The following ORAI3 variants were observed in gnomAD, a reference collection of about 807,000 sequenced individuals.
ORAI3 encodes ORAI calcium release-activated calcium modulator 3.
A neutral mutation model predicts 17.2 loss-of-function variants in ORAI3; 15 were observed. The ratio of observed to expected loss-of-function variants is 0.87; its 90% confidence interval spans 0.58 to 1.34. The LOEUF (loss-of-function observed/expected upper bound fraction) is 1.34. Among genes scored for constraint, ORAI3 ranks in the 40% most tolerant of loss-of-function variants. The pLI is 0.00. For missense variants in ORAI3, 405 were observed against 396.7 expected (o/e 1.02, Z -0.18); for synonymous variants, 178 against 172.4 (o/e 1.03, Z -0.25).
chr16:30,950,372 G>A (rs529508476), intron 1 of ORAI3, among the ~76,000 whole-genome samples: 2 of 152,314 alleles, frequency 1.3e-5, no homozygotes, highest in South Asian at 4.1e-4. Flanking sequence ...TACCAAGGAT[G>A]GCTCAGACTA....
At chr16:30,951,729 A>AC (rs775816745) in intron 1 of ORAI3, among the ~76,000 whole-genome samples, 1 of 151,528 alleles carries the variant, frequency 6.6e-6, no homozygotes, top group East Asian at 1.9e-4. Flanking sequence ...AAAAAGAGAG[A>AC]CCCCATGACC....
intron 1 of ORAI3, among the ~76,000 whole-genome samples, chr16:30,951,547 G>A (rs746286370): frequency 5.3e-5 from 8 of 152,182 alleles, no homozygotes; most frequent in Non-Finnish European, 1.0e-4. Context: ...CAAATTGGCT[G>A]GGTAGGGACT....
At chr16:30,949,812 A>C (rs1400728866) in intron 1 of ORAI3, 1 of 381,568 alleles carries the variant, frequency 2.6e-6, no homozygotes, top group South Asian at 3.0e-5. Context: ...AGAGTGGTCC[A>C]GATGGAGCCT....
rs1221126292 is a variant in ORAI3, at chr16:30,949,217, T to TGGGCC, written c.-70_-66dup. 1 of 1,102,882 alleles carries TGGGCC rather than the reference T, an allele frequency of 9.1e-7. No individual in the cohort carries two copies. The highest frequency in any genetic ancestry group is 1.2e-6 in the Non-Finnish European group (1 of 832,224). The allele number at this position is 1,102,882 out of a possible 1,614,324, so 68.3% of individuals were successfully genotyped here. A position where few individuals can be genotyped will look rare whatever the true frequency, so the allele number is the denominator to read the frequency against. On this transcript the variant is annotated 5_prime_UTR_variant, in exon 1 of 2. It removes the in-frame stop codon of an upstream open reading frame in the 5' UTR. Coordinates refer to ENST00000318663, the MANE Select transcript of ORAI3 (RefSeq NM_152288.3). The stretch of plus-strand genomic sequence containing the variant: ...CTGGGAATGGGGCCGCCCCCGGGCT[T>TGGGCC]GGGCCGGCCCGGCTGGGGCCCCCGA...
Position 30,953,840 on chromosome 16 carries a change from T to C in ORAI3, c.884T>C (p.Val295Ala), listed in dbSNP as rs781604663. ...LNRLQGELQA[V>A] ...CGCCTGCAGGGGGAGCTGCAGGCTG[T>C]GTGAGACTGGTGTTAGCCACCGCTC... Residue 295 changes from valine to alanine, a missense_variant, in exon 2 of 2, where the codon GTG becomes GCG. Physicochemically the swap from Val to Ala is moderately conservative, Grantham distance 64 (BLOSUM62 0). Coordinates refer to ENST00000318663, the MANE Select transcript of ORAI3 (RefSeq NM_152288.3). 3.1e-6 allele frequency: 5 copies of C among 1,606,128 alleles called. No individual in the cohort carries two copies. Among genetic ancestry groups the C allele is most frequent in the Non-Finnish European group, 4.2e-6 (5 of 1,176,612 alleles).
At chr16:30,949,574 C>A in intron 1 of ORAI3, 57 bp downstream of exon 1, 3 of 235,406 alleles carry the variant, frequency 1.3e-5, no homozygotes, top group Non-Finnish European at 1.3e-5. Flanking sequence ...GGGCACAGGT[C>A]GGGGGGGGGG....
Position 30,950,289 on chromosome 16 carries a change from A to G in ORAI3, c.228+772A>G, listed in dbSNP as rs527760462. On this transcript the variant is annotated intron_variant, in intron 1 of 1. Transcript: ENST00000318663. ...TGCAAGCCAGTGGGAAACTGAGATC[A>G]TGGAGGGTGCGCCCTCTGTAGCCAG... Among the ~76,000 whole-genome samples, 4 of 152,280 alleles carry G rather than the reference A, an allele frequency of 2.6e-5. No individual in the cohort carries two copies. The East Asian group carries it at 7.7e-4, about 29-fold the overall frequency.
intron 1 of ORAI3, 33 bp from the exon 2 acceptor site, chr16:30,953,152 G>A: frequency 1.9e-6 from 3 of 1,541,196 alleles, no homozygotes; most frequent in South Asian, 1.3e-5. Flanking sequence ...TGAGGTTATG[G>A]GGAGATCAGT....
Position 30,953,770 on chromosome 16 carries a change from G to A in ORAI3, c.814G>A (p.Ala272Thr), listed in dbSNP as rs1171499413. 6.2e-6 allele frequency: 10 copies of A among 1,614,028 alleles called. No homozygotes were observed. The highest frequency in any genetic ancestry group is 1.1e-5 in the South Asian group (1 of 91,090). Residue 272 changes from alanine to threonine, a missense_variant, in exon 2 of 2, where the codon GCA (alanine) becomes ACA (threonine). Physicochemically the swap from Ala to Thr is moderately conservative, Grantham distance 58 (BLOSUM62 0). Transcript: ENST00000318663. ...CCTGCATTTCTACCGCTCCTTGGTG[G>A]CACACAAGACAGACCGCTACAAGCA... is the stretch of plus-strand genomic sequence containing the variant. ...FALHFYRSLVAHKTDRYKQEL... is the reference protein window; with the variant it reads ...FALHFYRSLVTHKTDRYKQEL...
chr16:30,949,566 G>A (rs750059819), intron 1 of ORAI3, 49 bp downstream of exon 1: 6 of 422,784 alleles, frequency 1.4e-5, no homozygotes, highest in South Asian at 2.1e-5. Flanking sequence ...CAAGTGGGGG[G>A]CACAGGTCGG....
chr16:30,949,452 T>C lies in ORAI3; in HGVS notation c.163T>C (p.Tyr55His). 6.2e-7 allele frequency: 1 copy of C among 1,608,678 alleles called. No homozygotes were observed. The highest frequency in any genetic ancestry group is 1.7e-5 in the Admixed American group (1 of 59,804). Residue 55 changes from tyrosine (Y) to histidine (H), a missense_variant, in exon 1 of 2, where the codon TAC becomes CAC. Coordinates refer to ENST00000318663, the MANE Select transcript of ORAI3 (RefSeq NM_152288.3). ...GCGGGCGCTCAGCTGGCGCCGCCTC[T>C]ACCTCAGCCGGGCCAAGCTCAAAGC... is the stretch of plus-strand genomic sequence containing the variant. ...SLRALSWRRL[Y>H]LSRAKLKASS...
rs977712677 is a variant in ORAI3, at chr16:30,954,376, T to G, written c.*532T>G. The G allele has an allele frequency of 2.3e-6, 1 of 438,562 alleles. No homozygotes were observed. Among genetic ancestry groups the G allele is most frequent in the Non-Finnish European group, 4.1e-6 (1 of 244,272 alleles). The allele number at this position is 438,562 out of a possible 1,614,324, so 27.2% of individuals were successfully genotyped here. A position where few individuals can be genotyped will look rare whatever the true frequency, so the allele number is the denominator to read the frequency against. On this transcript the variant is annotated 3_prime_UTR_variant, in exon 2 of 2. Coordinates refer to ENST00000318663, the MANE Select transcript of ORAI3 (RefSeq NM_152288.3). ...AGTAGCTGGTACTACAGGTGTGTGCTGCCACACCCGACTAATTTTTTTGTA... is the reference window on the plus strand; with the variant it reads ...AGTAGCTGGTACTACAGGTGTGTGCGGCCACACCCGACTAATTTTTTTGTA...
chr16:30,952,956 G>A (rs1173170669), intron 1 of ORAI3, among the ~76,000 whole-genome samples: 2 of 152,294 alleles, frequency 1.3e-5, no homozygotes, highest in South Asian at 2.1e-4. Flanking sequence ...ATGAACCGCC[G>A]CGCCCGGCCA....
At chr16:30,951,842 A>C (rs2055926197) in intron 1 of ORAI3, among the ~76,000 whole-genome samples, 1 of 152,232 alleles carries the variant, frequency 6.6e-6, no homozygotes, top group Non-Finnish European at 1.5e-5. Context: ...GGATCTGGAA[A>C]TAGGGATATA....
chr16:30,949,217 T>G lies in ORAI3; in HGVS notation c.-73T>G, dbSNP rs948782475. On this transcript the variant is annotated 5_prime_UTR_variant, in exon 1 of 2. Coordinates refer to ENST00000318663, the MANE Select transcript of ORAI3 (RefSeq NM_152288.3). The stretch of plus-strand genomic sequence containing the variant: ...CTGGGAATGGGGCCGCCCCCGGGCT[T>G]GGGCCGGCCCGGCTGGGGCCCCCGA... The G allele has an allele frequency of 9.1e-7, 1 of 1,102,878 alleles. No individual in the cohort carries two copies. The allele number at this position is 1,102,878 out of a possible 1,614,324, so 68.3% of individuals were successfully genotyped here. A position where few individuals can be genotyped will look rare whatever the true frequency, so the allele number is the denominator to read the frequency against.
intron 1 of ORAI3, among the ~76,000 whole-genome samples, chr16:30,952,096 CT>C (rs2055927192): frequency 6.7e-6 from 1 of 150,028 alleles, no homozygotes; most frequent in African/African-American, 2.5e-5. Flanking sequence ...TTTCCTCTTT[CT>C]TTTTCTTTCT....
chr16:30,953,613 G>C lies in ORAI3; in HGVS notation c.657G>C (p.Pro219=). 4 of 1,614,126 alleles carry C rather than the reference G, an allele frequency of 2.5e-6. No individual in the cohort carries two copies. Among genetic ancestry groups the C allele is most frequent in the Non-Finnish European group, 3.4e-6 (4 of 1,180,024 alleles). Residue 219 remains proline, a synonymous_variant, in exon 2 of 2, where the codon CCG becomes CCC. Coordinates refer to ENST00000318663, the MANE Select transcript of ORAI3 (RefSeq NM_152288.3). ...NLPRSSASAA[P]SQAEPACPPR... The stretch of plus-strand genomic sequence containing the variant: ...CACGGTCCTCTGCGTCTGCAGCACC[G>C]TCCCAAGCTGAGCCAGCCTGCCCAC...
At position 30,953,786 on chromosome 16, in the gene ORAI3, G is replaced by A. The variant is rs766369392; in HGVS notation, c.830G>A (p.Arg277His). ...TCCTTGGTGGCACACAAGACAGACC[G>A]CTACAAGCAGGAACTAGAGGAACTG... ...YRSLVAHKTDRYKQELEELNR... is the reference protein window; with the variant it reads ...YRSLVAHKTDHYKQELEELNR... Residue 277 changes from arginine to histidine, a missense_variant, in exon 2 of 2, where the codon CGC (arginine) becomes CAC (histidine). Transcript: ENST00000318663. 17 of 1,613,574 alleles carry A rather than the reference G, an allele frequency of 1.1e-5. No individual in the cohort carries two copies. The highest frequency in any genetic ancestry group is 4.0e-5 in the African/African-American group (3 of 74,932).
intron 1 of ORAI3, among the ~76,000 whole-genome samples, chr16:30,952,672 T>A (rs1279257732): frequency 6.6e-6 from 1 of 151,924 alleles, no homozygotes; most frequent in Non-Finnish European, 1.5e-5. Context: ...TTTTTATTTT[T>A]AATTTTTTTT....
Sources: allele counts gnomAD v4.1 joint callset (sites outside exome capture counted in the v4.1 genomes callset), GRCh38; gene constraint gnomAD v4.1.1; transcripts MANE v1.5; gene names NCBI Gene and HGNC (gene_info 2026-07-23, HGNC 2026-07-21).